The following NFXL1 variants were observed in gnomAD, a reference collection of about 807,000 sequenced individuals.
NFXL1 encodes NF-X1-type zinc finger protein NFXL1.
A neutral mutation model predicts 123.3 loss-of-function variants in NFXL1; 66 were observed. The observed-to-expected ratio is 0.54, with a 90% CI of 0.44 to 0.66. The LOEUF is 0.66. Among genes scored for constraint, NFXL1 ranks in the 30% least tolerant of loss-of-function variants. The pLI is 0.00. For synonymous variants in NFXL1, 346 were observed against 360.8 expected (o/e 0.96, Z 0.46); for missense variants, 944 against 1,125.6 (o/e 0.84, Z 2.31).
In NFXL1 at chr4:47,913,881, A is replaced by G. The variant is rs1015989796; in HGVS notation, c.235+88T>C. The G allele has an allele frequency of 2.4e-5, 21 of 870,430 alleles. No individual in the cohort carries two copies. The South Asian group carries it at 4.1e-4, about 17-fold the overall frequency. 53.9% of individuals were successfully genotyped at this position (870,430 alleles called of 1,614,324 possible). A position where few individuals can be genotyped will look rare whatever the true frequency, so the allele number is the denominator to read the frequency against. ...TCCCGAACGAGGGGAAAAGCAGTGA[A>G]AGAAAGAAGGCGAGGGCGGAGGCGG... is the stretch of plus-strand genomic sequence containing the variant. On this transcript the variant is annotated intron_variant, in intron 2 of 22. Coordinates refer to ENST00000507489, the MANE Select transcript of NFXL1 (RefSeq NM_001278624.2).
intron 2 of NFXL1, among the ~76,000 whole-genome samples, chr4:47,912,885 C>T (rs1184840635): frequency 1.3e-5 from 2 of 149,520 alleles, no homozygotes; most frequent in African/African-American, 2.4e-5. Context: ...TGGTGGCAGG[C>T]GCCTGTAGTC....
intron 3 of NFXL1, 108 bp downstream of exon 3, chr4:47,910,716 T>C: frequency 1.7e-6 from 1 of 596,502 alleles, no homozygotes; most frequent in Non-Finnish European, 2.8e-6. Context: ...CATACAGTGC[T>C]CATCTTAAGA....
At chr4:47,896,343 A>T (rs1435150991) in intron 10 of NFXL1, among the ~76,000 whole-genome samples, 180 bp downstream of exon 10, 1 of 152,214 alleles carries the variant, frequency 6.6e-6, no homozygotes, top group Non-Finnish European at 1.5e-5. Context: ...GTGAAATGCA[A>T]TAAAACGTGG....
At chr4:47,906,391 A>C (rs1737564352) in intron 3 of NFXL1, among the ~76,000 whole-genome samples, 1 of 152,240 alleles carries the variant, frequency 6.6e-6, no homozygotes. Flanking sequence ...AAATTAAATA[A>C]ATAGGACATG....
At position 47,914,373 on chromosome 4, in the gene NFXL1, G is replaced by A. The variant is rs1738007109; in HGVS notation, c.-11C>T. 1 of 553,790 alleles carries A rather than the reference G, an allele frequency of 1.8e-6. No homozygotes were observed. Among genetic ancestry groups the A allele is most frequent in the East Asian group, 3.0e-5 (1 of 33,634 alleles). 34.3% of individuals were successfully genotyped at this position (553,790 alleles called of 1,614,324 possible). Reference sequence around the variant, plus strand: ...CGCGGCCCTGCCTTTACCGGAGGGCGAGTCCCCGCCAAGCCCGGGCTTTGG... The same window carrying A: ...CGCGGCCCTGCCTTTACCGGAGGGCAAGTCCCCGCCAAGCCCGGGCTTTGG... On this transcript the variant is annotated 5_prime_UTR_variant, in exon 1 of 23. Coordinates refer to ENST00000507489, the MANE Select transcript of NFXL1 (RefSeq NM_001278624.2).
chr4:47,909,587 T>A (rs1737730560), intron 3 of NFXL1, among the ~76,000 whole-genome samples: 1 of 151,606 alleles, frequency 6.6e-6, no homozygotes, highest in Non-Finnish European at 1.5e-5. Context: ...ATAAAAGGTA[T>A]ATAAACAATA....
chr4:47,897,733 T>C (rs922791110), intron 9 of NFXL1, among the ~76,000 whole-genome samples: 1 of 152,188 alleles, frequency 6.6e-6, no homozygotes, highest in Non-Finnish European at 1.5e-5. Context: ...AAATCTTCTA[T>C]GTCTCTCCTA....
At chr4:47,882,407 G>A (rs940450996) in intron 15 of NFXL1, 1 of 152,210 alleles carries the variant, frequency 6.6e-6, no homozygotes, top group Non-Finnish European at 1.5e-5. Context: ...AAACTTTCAT[G>A]TCTGGGTTGA....
intron 8 of NFXL1, 28 bp downstream of exon 8, chr4:47,898,729 C>A (rs1490963094): frequency 7.6e-7 from 1 of 1,311,544 alleles, no homozygotes; most frequent in Admixed American, 1.7e-5. Context: ...TCTTTAATAC[C>A]CACCCCTCAA....
chr4:47,890,530 T>C (rs1464286409), intron 12 of NFXL1, 83 bp downstream of exon 12: 6 of 740,256 alleles, frequency 8.1e-6, no homozygotes, highest in Non-Finnish European at 1.4e-5. Context: ...GCTATTTCAA[T>C]ACATTATATT....
rs117136843 is a variant in NFXL1 at position 47,881,456 on chromosome 4, T to C, written c.1917-2339A>G. On this transcript the variant is annotated intron_variant, in intron 15 of 22. Transcript: ENST00000507489. ...ATGCAAAATGATTCAGACACTTTAG[T>C]AAACTGTTTGACAGCTTCTTACAAA... Among the ~76,000 whole-genome samples the C allele has an allele frequency of 2.4e-4, 37 of 152,282 alleles. No homozygotes were observed. In the East Asian group the frequency reaches 6.9e-3, roughly 29 times the overall value.
rs1449309814 is a variant in NFXL1 at position 47,875,214 on chromosome 4, C to T, written c.2159G>A (p.Arg720Gln). Residue 720 changes from arginine (R) to glutamine (Q), a missense_variant, in exon 18 of 23, where the codon CGA becomes CAA. By Grantham distance (43) the Arg-to-Gln change is conservative. Coordinates refer to ENST00000507489, the MANE Select transcript of NFXL1 (RefSeq NM_001278624.2). ...AGGTGGACATTCTCCAGGGTGACAT[C>T]GCAAAATACATGGGTGAAGACAACC... ...PLGCLHPCIL[R>Q]CHPGECPPCV... 1.1e-5 allele frequency: 18 copies of T among 1,613,016 alleles called. No individual in the cohort carries two copies. The highest frequency in any genetic ancestry group is 1.7e-5 in the Admixed American group (1 of 59,960).
intron 19 of NFXL1, among the ~76,000 whole-genome samples, chr4:47,861,968 A>C (rs2110043644): frequency 6.6e-6 from 1 of 152,340 alleles, no homozygotes; most frequent in African/African-American, 2.4e-5. Context: ...CACTTAGATA[A>C]GGGCATAAAG....
intron 12 of NFXL1, among the ~76,000 whole-genome samples, chr4:47,886,765 T>C (rs1190054102): frequency 6.6e-6 from 1 of 152,234 alleles, no homozygotes; most frequent in Non-Finnish European, 1.5e-5. Flanking sequence ...AAATAACAAA[T>C]TTAACACATT....
intron 15 of NFXL1, among the ~76,000 whole-genome samples, chr4:47,881,530 T>G (rs977906069): frequency 6.6e-6 from 1 of 152,152 alleles, no homozygotes; most frequent in African/African-American, 2.4e-5. Flanking sequence ...TCCTAAGTAT[T>G]TACCCAAATG....
chr4:47,901,907 C>T (rs546834166), intron 5 of NFXL1, among the ~76,000 whole-genome samples: 90 of 152,322 alleles, frequency 5.9e-4, no homozygotes, highest in African/African-American at 2.1e-3. Flanking sequence ...ACTGGCCAGA[C>T]GCAGTGGCTC....
At chr4:47,859,867 AAAACAAAC>A (rs1560581996) in intron 19 of NFXL1, among the ~76,000 whole-genome samples, 51 of 43,434 alleles carry the variant, frequency 1.2e-3, no homozygotes, top group African/African-American at 2.0e-3. Context: ...AAAAAAAAAA[AAAACAAAC>A]AAACAAAAAA....
At position 47,885,671 on chromosome 4, in the gene NFXL1, T is replaced by C. The variant is rs368667064; in HGVS notation, c.1665-14A>G. ...GTTGGTGGTCGACTAAATCATAAAG[T>C]ACAATTTTCAAAAATTACTTTTAGT... On this transcript the variant is annotated splice_polypyrimidine_tract_variant and intron_variant, in intron 13 of 22. Coordinates refer to ENST00000507489, the MANE Select transcript of NFXL1 (RefSeq NM_001278624.2). 2 of 1,605,222 alleles carry C rather than the reference T, an allele frequency of 1.2e-6. No individual in the cohort carries two copies. The highest frequency in any genetic ancestry group is 3.4e-5 in the Admixed American group (2 of 59,244).
Position 47,910,909 on chromosome 4 carries a change from A to C in NFXL1, c.321T>G (p.Ser107=). Residue 107 remains serine, a synonymous_variant, in exon 3 of 23, where the codon TCT becomes TCG. Transcript: ENST00000507489. Reference sequence around the variant, plus strand: ...AATCTTCATCTCCTTCTTCAGATGAAGAGCTAAACTGTTCTTCAACAAGTT... The same window carrying C: ...AATCTTCATCTCCTTCTTCAGATGACGAGCTAAACTGTTCTTCAACAAGTT... ...ARKLVEEQFS[S]SSEEGDEDFE... 1 of 1,602,986 alleles carries C rather than the reference A, an allele frequency of 6.2e-7. No individual in the cohort carries two copies. Among genetic ancestry groups the C allele is most frequent in the South Asian group, 1.1e-5 (1 of 88,538 alleles).
Sources: allele counts gnomAD v4.1 joint callset (sites outside exome capture counted in the v4.1 genomes callset), GRCh38; gene constraint gnomAD v4.1.1; transcripts MANE v1.5; gene names NCBI Gene and HGNC (gene_info 2026-07-23, HGNC 2026-07-21).